The following HOXD13 variants were observed in gnomAD, a reference collection of about 807,000 sequenced individuals.
HOXD13 encodes homeobox D13, also known as homeobox protein Hox-D13.
In HOXD13, 16 loss-of-function variants were observed where a neutral mutation model predicts 27.3. The observed-to-expected ratio is 0.59, with a 90% CI of 0.40 to 0.89. The LOEUF is 0.89. Ranked by LOEUF, HOXD13 falls within the 40% of genes least tolerant of loss-of-function variation. HOXD13 has a pLI of 0.00. For synonymous variants in HOXD13, 241 were observed against 219.0 expected, an observed-to-expected ratio of 1.10 and a Z score of -0.89; for missense variants, 481 against 482.6, an observed-to-expected ratio of 1.00 and a Z score of 0.03.
chr2:176,092,819 G>T lies in HOXD13; in HGVS notation c.-72G>T. The T allele has an allele frequency of 2.0e-6, 2 of 992,604 alleles. No homozygotes were observed. Among genetic ancestry groups the T allele is most frequent in the South Asian group, 1.0e-4 (2 of 20,064 alleles). 61.5% of individuals were successfully genotyped at this position (992,604 alleles called of 1,614,324 possible). A position where few individuals can be genotyped will look rare whatever the true frequency, so the allele number is the denominator to read the frequency against. ...GCGAACCAGAGAGAAAGGAGAGGAG[G>T]GAGGAGGCGCGCCGCGCCATGGTGT... On this transcript the variant is annotated 5_prime_UTR_variant, in exon 1 of 2. Coordinates refer to ENST00000392539, the MANE Select transcript of HOXD13 (RefSeq NM_000523.4).
chr2:176,091,162 T>G (rs1689313191), upstream of HOXD13, among the ~76,000 whole-genome samples: 1 of 152,226 alleles, frequency 6.6e-6, no homozygotes, highest in Non-Finnish European at 1.5e-5. Flanking sequence ...CAGCCTACCC[T>G]GAAATGCCAG....
upstream of HOXD13, among the ~76,000 whole-genome samples, chr2:176,088,210 G>C (rs934937981): frequency 1.3e-5 from 2 of 152,256 alleles, no homozygotes; most frequent in African/African-American, 4.8e-5. Context: ...GGCGAAGTGC[G>C]GTTTCCACGG....
rs1206049752 is a variant in HOXD13, at chr2:176,094,898, G to A, written c.*168G>A. 1.1e-5 allele frequency: 7 copies of A among 624,798 alleles called. No homozygotes were observed. The East Asian group carries it at 1.7e-4, about 15-fold the overall frequency. 38.7% of individuals were successfully genotyped at this position (624,798 alleles called of 1,614,324 possible). On this transcript the variant is annotated 3_prime_UTR_variant, in exon 2 of 2. Coordinates refer to ENST00000392539, the MANE Select transcript of HOXD13 (RefSeq NM_000523.4). The stretch of plus-strand genomic sequence containing the variant: ...TTATCTGGCTCTAAAACCTTCTGCT[G>A]CCCAACCTGACTTTGTAGTTCTGAT...
At position 176,095,253 on chromosome 2, in the gene HOXD13, C is replaced by T. The variant is rs1038889765; in HGVS notation, c.*523C>T. ...AAGGCAGGCAGTGCTCTGGGGTCAC[C>T]GAGAAAGTCTAAAAACAGGAGGCTG... On this transcript the variant is annotated 3_prime_UTR_variant, in exon 2 of 2. Transcript: ENST00000392539. 3.1e-5 allele frequency: 7 copies of T among 229,042 alleles called. No homozygotes were observed. The highest frequency in any genetic ancestry group is 1.8e-4 in the South Asian group (1 of 5,618). The allele number at this position is 229,042 out of a possible 1,614,324, so 14.2% of individuals were successfully genotyped here.
rs892983177 is a variant in HOXD13 at position 176,095,023 on chromosome 2, A to G, written c.*293A>G. 9.2e-5 allele frequency: 37 copies of G among 402,494 alleles called. No individual in the cohort carries two copies. Among genetic ancestry groups the G allele is most frequent in the Non-Finnish European group, 1.7e-4 (37 of 220,840 alleles). The allele number at this position is 402,494 out of a possible 1,614,324, so 24.9% of individuals were successfully genotyped here. A position where few individuals can be genotyped will look rare whatever the true frequency, so the allele number is the denominator to read the frequency against. On this transcript the variant is annotated 3_prime_UTR_variant, in exon 2 of 2. Transcript: ENST00000392539. ...CTCCAGGCCAGTATAAAGGGACTTG[A>G]AGTATTTTTTAATAATCCGCCCCCC...
Position 176,093,261 on chromosome 2 carries a change from C to G in HOXD13, c.371C>G (p.Ala124Gly), listed in dbSNP as rs750412684. 1.1e-5 allele frequency: 18 copies of G among 1,610,732 alleles called. No homozygotes were observed. The East Asian group carries it at 2.9e-4, about 26-fold the overall frequency. Reference sequence around the variant, plus strand: ...GCTGCAGCGCCCCCGAGCGCTCCAGCGCTGGGCTACGGCTACCACTTCGGC... The same window carrying G: ...GCTGCAGCGCCCCCGAGCGCTCCAGGGCTGGGCTACGGCTACCACTTCGGC... ...AAAAAPPSAP[A>G]LGYGYHFGNG... The change falls in exon 1 of 2, where the codon GCG (alanine) becomes GGG (glycine). Residue 124 changes from alanine (A) to glycine (G), a missense_variant. Ala to Gly is a moderately conservative substitution (Grantham distance 60). Transcript: ENST00000392539.
In HOXD13 at chr2:176,093,007, G is replaced by C. The variant is rs1351023304; in HGVS notation, c.117G>C (p.Gln39His). 5 of 1,385,560 alleles carry C rather than the reference G, an allele frequency of 3.6e-6. No homozygotes were observed. Among genetic ancestry groups the C allele is most frequent in the Non-Finnish European group, 4.6e-6 (5 of 1,076,418 alleles). 85.8% of individuals were successfully genotyped at this position (1,385,560 alleles called of 1,614,324 possible). A position where few individuals can be genotyped will look rare whatever the true frequency, so the allele number is the denominator to read the frequency against. The change falls in exon 1 of 2, where the codon CAG (glutamine) becomes CAC (histidine). Residue 39 changes from glutamine (Q) to histidine (H), a missense_variant. Gln to His is a conservative substitution (Grantham distance 24). Transcript: ENST00000392539. ...TGGCGGCGGCGGCGGCGTCAGGCCA[G>C]TGCCGCGGCTTTCTCTCCGCGCCTG... The part of the protein sequence containing the change: ...SSVAAAAASG[Q>H]CRGFLSAPVF...
chr2:176,090,731 T>A (rs1406728439), upstream of HOXD13, among the ~76,000 whole-genome samples: 2 of 152,184 alleles, frequency 1.3e-5, no homozygotes, highest in Non-Finnish European at 2.9e-5. Context: ...GTTTTCTCTG[T>A]CTGAGGAAGA....
upstream of HOXD13, among the ~76,000 whole-genome samples, chr2:176,090,311 A>G (rs1479536698): frequency 6.6e-6 from 1 of 152,256 alleles, no homozygotes; most frequent in East Asian, 1.9e-4. Context: ...CTGAACAACC[A>G]TTAGGATGGA....
rs1689380071 is a variant in HOXD13 at position 176,094,386 on chromosome 2, C to CACAT, written c.782-91_782-90insTACA. On this transcript the variant is annotated intron_variant, in intron 1 of 1. Coordinates refer to ENST00000392539, the MANE Select transcript of HOXD13 (RefSeq NM_000523.4). ...AAAATTTCCTGCACCCCTGCAAACG[C>CACAT]ACACACACACACACACACACACACA... 3 of 295,400 alleles carry CACAT rather than the reference C, an allele frequency of 1.0e-5. No homozygotes were observed. The East Asian group carries it at 3.2e-4, about 31-fold the overall frequency. The allele number at this position is 295,400 out of a possible 1,614,324, so 18.3% of individuals were successfully genotyped here. A position where few individuals can be genotyped will look rare whatever the true frequency, so the allele number is the denominator to read the frequency against.
In HOXD13 at chr2:176,093,057, G is replaced by T; in HGVS notation, c.167G>T (p.Arg56Leu). 2.2e-6 allele frequency: 3 copies of T among 1,369,912 alleles called. No individual in the cohort carries two copies. The highest frequency in any genetic ancestry group is 2.8e-6 in the Non-Finnish European group (3 of 1,071,062). The allele number at this position is 1,369,912 out of a possible 1,614,324, so 84.9% of individuals were successfully genotyped here. A position where few individuals can be genotyped will look rare whatever the true frequency, so the allele number is the denominator to read the frequency against. Residue 56 changes from arginine (R) to leucine (L), a missense_variant, in exon 1 of 2, where the codon CGG (arginine) becomes CTG (leucine). Transcript: ENST00000392539. The part of the protein sequence containing the change: ...APVFAGTHSG[R>L]AAAAAAAAAA... ...GTGTTCGCCGGGACGCATTCGGGGC[G>T]GGCGGCGGCGGCGGCAGCGGCGGCT...
chr2:176,088,830 A>G (rs190775947), upstream of HOXD13, among the ~76,000 whole-genome samples: 7 of 152,280 alleles, frequency 4.6e-5, no homozygotes, highest in Non-Finnish European at 7.3e-5. Flanking sequence ...ATTTTCCAAA[A>G]AAAGGCAACA....
rs947637466 is a variant in HOXD13, at chr2:176,093,012, G to A, written c.122G>A (p.Arg41His). The A allele has an allele frequency of 4.3e-6, 6 of 1,385,132 alleles. No homozygotes were observed. The African/African-American group carries it at 4.6e-5, about 11-fold the overall frequency. The allele number at this position is 1,385,132 out of a possible 1,614,324, so 85.8% of individuals were successfully genotyped here. The change falls in exon 1 of 2, where the codon CGC (arginine) becomes CAC (histidine). Residue 41 changes from arginine to histidine, a missense_variant. Coordinates refer to ENST00000392539, the MANE Select transcript of HOXD13 (RefSeq NM_000523.4). ...VAAAAASGQC[R>H]GFLSAPVFAG... ...GCGGCGGCGGCGTCAGGCCAGTGCC[G>A]CGGCTTTCTCTCCGCGCCTGTGTTC... is the stretch of plus-strand genomic sequence containing the variant.
intron 1 of HOXD13, 152 bp from the exon 2 acceptor site, chr2:176,094,328 C>A: frequency 1.4e-6 from 1 of 732,216 alleles, no homozygotes; most frequent in Non-Finnish European, 2.4e-6. Context: ...TGTCTATGTA[C>A]ATAATAAAGA....
chr2:176,094,721 T>C lies in HOXD13; in HGVS notation c.1023T>C (p.Thr341=), dbSNP rs766764389. The change falls in exon 2 of 2, where the codon ACT becomes ACC. Residue 341 remains threonine (T), a synonymous_variant. Transcript: ENST00000392539. ...DKKIVSKLKD[T]VS is the part of the protein sequence containing the mutation. ...AAATTGTCTCCAAGCTCAAAGATAC[T>C]GTCTCCTGATGTGGTCCAGGTTGGC... is the stretch of plus-strand genomic sequence containing the variant. The C allele has an allele frequency of 1.9e-6, 3 of 1,614,080 alleles. No individual in the cohort carries two copies. The highest frequency in any genetic ancestry group is 4.5e-5 in the East Asian group (2 of 44,882).
At chr2:176,090,778 G>C (rs149857063), upstream of HOXD13, among the ~76,000 whole-genome samples, 1 of 152,168 alleles carries the variant, frequency 6.6e-6, no homozygotes, top group Admixed American at 6.5e-5. Flanking sequence ...GCATTTCATG[G>C]TGGCCCATGG....
In HOXD13 at chr2:176,095,715, C is replaced by A. The variant is rs542462519; in HGVS notation, c.*985C>A. ...TCGCATGGAGCTGTAAAGCATCTAA[C>A]AAATATGAAAAATGTGAAGTTCCAA... On this transcript the variant is annotated 3_prime_UTR_variant, in exon 2 of 2. Transcript: ENST00000392539. 9.8e-5 allele frequency: 22 copies of A among 225,010 alleles called. No individual in the cohort carries two copies. Among genetic ancestry groups the A allele is most frequent in the African/African-American group, 4.5e-4 (20 of 44,928 alleles). The allele number at this position is 225,010 out of a possible 1,614,324, so 13.9% of individuals were successfully genotyped here.
rs923169362 is a variant in HOXD13, at chr2:176,095,029, T to G, written c.*299T>G. On this transcript the variant is annotated 3_prime_UTR_variant, in exon 2 of 2. Transcript: ENST00000392539. ...GCCAGTATAAAGGGACTTGAAGTAT[T>G]TTTTAATAATCCGCCCCCCAATGAA... 2.5e-6 allele frequency: 1 copy of G among 395,490 alleles called. No individual in the cohort carries two copies. Among genetic ancestry groups the G allele is most frequent in the Non-Finnish European group, 4.6e-6 (1 of 216,316 alleles). 24.5% of individuals were successfully genotyped at this position (395,490 alleles called of 1,614,324 possible). A position where few individuals can be genotyped will look rare whatever the true frequency, so the allele number is the denominator to read the frequency against.
intron 1 of HOXD13, among the ~76,000 whole-genome samples, chr2:176,094,128 G>A (rs1689376047): frequency 1.3e-5 from 2 of 152,176 alleles, no homozygotes; most frequent in African/African-American, 4.8e-5. Context: ...GAGTTGGTAT[G>A]TGTCTATGTA....
Sources: allele counts gnomAD v4.1 joint callset (sites outside exome capture counted in the v4.1 genomes callset), GRCh38; gene constraint gnomAD v4.1.1; transcripts MANE v1.5; gene names NCBI Gene and HGNC (gene_info 2026-07-23, HGNC 2026-07-21).